The following SSPN variants were observed in gnomAD, a reference collection of about 807,000 sequenced individuals.
The protein encoded by SSPN is sarcospan.
SSPN carries 15 observed loss-of-function variants against 19.1 expected under a neutral mutation model. The observed-to-expected ratio is 0.78, with a 90% CI of 0.52 to 1.21. The LOEUF (loss-of-function observed/expected upper bound fraction) is 1.21, where lower values mean the gene tolerates loss of function less well. Among genes scored for constraint, SSPN ranks in the 50% most tolerant of loss-of-function variants. The pLI, the probability that SSPN is intolerant of heterozygous loss-of-function variation, is 0.00. For missense variants in SSPN, 291 were observed against 314.0 expected, an observed-to-expected ratio of 0.93 and a Z score of 0.55; for synonymous variants, 147 against 140.3, an observed-to-expected ratio of 1.05 and a Z score of -0.34.
chr12:26,188,461 G>T (rs763335119), intron 1 of SSPN, among the ~76,000 whole-genome samples: 24 of 152,194 alleles, frequency 1.6e-4, no homozygotes, highest in Non-Finnish European at 2.9e-4. Context: ...AACTAAAGAA[G>T]AGGATTACTG....
chr12:26,208,281 G>A (rs1169488471), intron 1 of SSPN, among the ~76,000 whole-genome samples: 1 of 152,090 alleles, frequency 6.6e-6, no homozygotes, highest in Admixed American at 6.5e-5. Context: ...TCCACCAGTG[G>A]TAAATCAGAG....
chr12:26,122,237 C>T (rs1944313637), intron 1 of SSPN: 2 of 1,281,970 alleles, frequency 1.6e-6, no homozygotes, highest in African/African-American at 3.1e-5. Context: ...CGGCGGCGCC[C>T]GCCTTCTCGG....
At chr12:26,180,142 T>TTGA in intron 1 of SSPN, 1 of 152,260 alleles carries the variant, frequency 6.6e-6, no homozygotes, top group South Asian at 2.1e-4. Context: ...TTGAAAAAAG[T>TTGA]TGATGAATTT....
At chr12:26,157,987 A>C (rs1944565559) in intron 1 of SSPN, among the ~76,000 whole-genome samples, 2 of 152,150 alleles carry the variant, frequency 1.3e-5, no homozygotes, top group East Asian at 3.8e-4. Flanking sequence ...AATCATAAAG[A>C]AGCAATTACT....
intron 1 of SSPN, among the ~76,000 whole-genome samples, chr12:26,200,226 T>C (rs1396149661): frequency 1.3e-5 from 2 of 152,210 alleles, no homozygotes; most frequent in Admixed American, 1.3e-4. Flanking sequence ...CATTGGAAAG[T>C]TTAAGGCAAG....
rs1408946123 is a variant in SSPN, at chr12:26,195,876, C to T, written c.204C>T (p.Thr68=). The change falls in exon 1 of 3, where the codon ACC becomes ACT. Residue 68 remains threonine (T), a synonymous_variant. Coordinates refer to ENST00000242729, the MANE Select transcript of SSPN (RefSeq NM_005086.5). ...AGCTGGCCCTGGGCATCGCCGTGACCGTGGTGGGCTTCCTCATGGCGAGCA... is the reference window on the plus strand; with the variant it reads ...AGCTGGCCCTGGGCATCGCCGTGACTGTGGTGGGCTTCCTCATGGCGAGCA... ...LLQLALGIAV[T]VVGFLMASIS... The T allele has an allele frequency of 5.1e-6, 8 of 1,573,720 alleles. No individual in the cohort carries two copies. Among genetic ancestry groups the T allele is most frequent in the Non-Finnish European group, 6.9e-6 (8 of 1,163,430 alleles).
intron 1 of SSPN, chr12:26,181,081 A>G (rs1337896446): frequency 6.6e-6 from 1 of 152,220 alleles, no homozygotes; most frequent in Non-Finnish European, 1.5e-5. Context: ...ATGCCCTTAG[A>G]CTGCATGGAA....
At chr12:26,193,079 A>T (rs1944798910), upstream of SSPN, among the ~76,000 whole-genome samples, 1 of 152,206 alleles carries the variant, frequency 6.6e-6, no homozygotes, top group Non-Finnish European at 1.5e-5. Context: ...AATATATACT[A>T]TGGTGATGAA....
At chr12:26,179,130 A>T (rs1944702656) in intron 1 of SSPN, among the ~76,000 whole-genome samples, 1 of 152,188 alleles carries the variant, frequency 6.6e-6, no homozygotes, top group Non-Finnish European at 1.5e-5. Flanking sequence ...GGCTTCCTGG[A>T]GGAAACTACA....
chr12:26,147,696 T>C (rs1944501222), intron 1 of SSPN, among the ~76,000 whole-genome samples: 1 of 152,226 alleles, frequency 6.6e-6, no homozygotes, highest in African/African-American at 2.4e-5. Context: ...TTCTCCCCAC[T>C]CTTCCTCTGC....
chr12:26,156,854 C>G (rs1394136487), intron 1 of SSPN, among the ~76,000 whole-genome samples: 1 of 152,126 alleles, frequency 6.6e-6, no homozygotes, highest in Non-Finnish European at 1.5e-5. Flanking sequence ...TTGTGTATCA[C>G]CCTTTTGCAT....
At chr12:26,177,468 A>G (rs1382972952) in intron 1 of SSPN, among the ~76,000 whole-genome samples, 1 of 152,142 alleles carries the variant, frequency 6.6e-6, no homozygotes, top group Non-Finnish European at 1.5e-5. Context: ...TCATTCTGGG[A>G]GAGGAACTGT....
At chr12:26,197,864 C>T (rs925741985) in intron 1 of SSPN, among the ~76,000 whole-genome samples, 1 of 152,118 alleles carries the variant, frequency 6.6e-6, no homozygotes, top group Non-Finnish European at 1.5e-5. Context: ...AACTGAGAAT[C>T]TATGTAGAGG....
At chr12:26,188,464 G>T (rs1944767840) in intron 1 of SSPN, among the ~76,000 whole-genome samples, 1 of 152,190 alleles carries the variant, frequency 6.6e-6, no homozygotes, top group Non-Finnish European at 1.5e-5. Flanking sequence ...TAAAGAAGAG[G>T]ATTACTGGTC....
At chr12:26,200,508 A>G (rs1210288305) in intron 1 of SSPN, among the ~76,000 whole-genome samples, 2 of 152,238 alleles carry the variant, frequency 1.3e-5, no homozygotes, top group Admixed American at 6.5e-5. Flanking sequence ...ATAGCAAATA[A>G]GGAACAAATA....
chr12:26,187,883 A>G (rs1278623116), intron 1 of SSPN, among the ~76,000 whole-genome samples: 1 of 152,194 alleles, frequency 6.6e-6, no homozygotes, highest in Non-Finnish European at 1.5e-5. Flanking sequence ...GGAGGATGAT[A>G]GTTTTTGTGA....
chr12:26,211,271 C>T (rs1351610242), intron 1 of SSPN: 2 of 152,056 alleles, frequency 1.3e-5, no homozygotes, highest in Non-Finnish European at 2.9e-5. Flanking sequence ...GAATCTTAAC[C>T]CACATACACA....
At chr12:26,150,130 G>C (rs1944516847) in intron 1 of SSPN, among the ~76,000 whole-genome samples, 1 of 152,112 alleles carries the variant, frequency 6.6e-6, no homozygotes, top group South Asian at 2.1e-4. Context: ...GATTGTGTCA[G>C]GAAGTGCTCA....
At chr12:26,170,249 C>A (rs898336790) in intron 1 of SSPN, among the ~76,000 whole-genome samples, 1 of 152,120 alleles carries the variant, frequency 6.6e-6, no homozygotes, top group South Asian at 2.1e-4. Context: ...AGTGAATATT[C>A]TTTGTACTAT....
Sources: allele counts gnomAD v4.1 joint callset (sites outside exome capture counted in the v4.1 genomes callset), GRCh38; gene constraint gnomAD v4.1.1; transcripts MANE v1.5; gene names NCBI Gene and HGNC (gene_info 2026-07-23, HGNC 2026-07-21).